The following SOX5 variants were observed in gnomAD, a reference collection of about 807,000 sequenced individuals.
The protein encoded by SOX5 is SRY-box transcription factor 5.
SOX5 carries 9 observed loss-of-function variants against 92.0 expected under a neutral mutation model. The observed-to-expected ratio is 0.10, with a 90% confidence interval of 0.06 to 0.17. The LOEUF (loss-of-function observed/expected upper bound fraction) is 0.17. Among genes scored for constraint, SOX5 ranks in the 10% least tolerant of loss-of-function variants. SOX5 has a pLI of 1.00. For synonymous variants in SOX5, 344 were observed against 336.3 expected (o/e 1.02, Z -0.25); for missense variants, 642 against 944.5 (o/e 0.68, Z 4.20).
intron 11 of SOX5, among the ~76,000 whole-genome samples, chr12:23,550,250 C>A (rs1303497687): frequency 1.3e-5 from 2 of 151,882 alleles, no homozygotes; most frequent in Non-Finnish European, 2.9e-5. Context: ...GGGAAGAGGA[C>A]ACTTTTGAGG....
At chr12:24,457,147 A>T (rs990755955) in intron 1 of SOX5, among the ~76,000 whole-genome samples, 8 of 152,214 alleles carry the variant, frequency 5.3e-5, no homozygotes, top group African/African-American at 1.7e-4. Flanking sequence ...TCTCAACACT[A>T]CATTTTAAAG....
intron 4 of SOX5, among the ~76,000 whole-genome samples, chr12:24,181,244 G>T (rs1222860429): frequency 6.6e-6 from 1 of 152,182 alleles, no homozygotes; most frequent in African/African-American, 2.4e-5. Flanking sequence ...ATTGGGGTCT[G>T]ATTCCATGAA....
At chr12:23,836,163 C>T (rs1432422199) in intron 3 of SOX5, among the ~76,000 whole-genome samples, 2 of 151,804 alleles carry the variant, frequency 1.3e-5, no homozygotes, top group African/African-American at 4.8e-5. Flanking sequence ...TTATGTGTCA[C>T]ATAACGTCAT....
At chr12:24,084,092 G>A (rs1318242992) in intron 4 of SOX5, among the ~76,000 whole-genome samples, 1 of 152,070 alleles carries the variant, frequency 6.6e-6, no homozygotes, top group Admixed American at 6.6e-5. Context: ...CACAGATATG[G>A]TGGGCAAAAG....
intron 1 of SOX5, among the ~76,000 whole-genome samples, chr12:24,490,862 A>T (rs1946993134): frequency 6.6e-6 from 1 of 152,214 alleles, no homozygotes; most frequent in Admixed American, 6.5e-5. Flanking sequence ...AAACTTAAAC[A>T]TTATAACACC....
chr12:24,063,451 G>A (rs575606079), intron 4 of SOX5, among the ~76,000 whole-genome samples: 1 of 152,240 alleles, frequency 6.6e-6, no homozygotes, highest in South Asian at 2.1e-4. Flanking sequence ...GAGTGGAGGT[G>A]TCCAAAGACT....
At chr12:24,448,113 C>T (rs986842130) in intron 1 of SOX5, among the ~76,000 whole-genome samples, 14 of 152,038 alleles carry the variant, frequency 9.2e-5, no homozygotes, top group African/African-American at 3.1e-4. Flanking sequence ...ACCCGAGGGG[C>T]AGAGGTTGCA....
chr12:23,853,478 G>A (rs1389999192), intron 2 of SOX5, among the ~76,000 whole-genome samples: 2 of 151,144 alleles, frequency 1.3e-5, no homozygotes, highest in Non-Finnish European at 2.9e-5. Context: ...CTATAAATAG[G>A]AGAAACAGTT....
At chr12:24,436,077 C>G (rs573534107) in intron 1 of SOX5, among the ~76,000 whole-genome samples, 1 of 152,266 alleles carries the variant, frequency 6.6e-6, no homozygotes, top group Admixed American at 6.5e-5. Flanking sequence ...TTCTCTTCCT[C>G]TCCTTGGGCC....
intron 1 of SOX5, among the ~76,000 whole-genome samples, chr12:23,901,289 C>G (rs2097229393): frequency 6.6e-6 from 1 of 152,132 alleles, no homozygotes; most frequent in South Asian, 2.1e-4. Flanking sequence ...AACAGATCCT[C>G]TCCTAGAGCC....
intron 1 of SOX5, among the ~76,000 whole-genome samples, chr12:23,902,204 T>A (rs2138000922): frequency 6.6e-6 from 1 of 152,228 alleles, no homozygotes; most frequent in Middle Eastern, 3.4e-3. Context: ...TTCTGGAAAA[T>A]GACATGTACA....
intron 8 of SOX5, among the ~76,000 whole-genome samples, chr12:23,608,390 A>G (rs1458331093): frequency 6.6e-6 from 1 of 152,188 alleles, no homozygotes; most frequent in Non-Finnish European, 1.5e-5. Flanking sequence ...TAAGGAAACA[A>G]TTACAAATGA....
intron 4 of SOX5, among the ~76,000 whole-genome samples, chr12:24,210,017 CAAAAAAAAAAA>C (rs1173723179): frequency 2.1e-4 from 13 of 62,702 alleles, no homozygotes; most frequent in Non-Finnish European, 3.5e-4. Flanking sequence ...GACTCCGTCT[CAAAAAAAAAAA>C]AAAAAAAAAA....
At chr12:23,973,799 C>T (rs1377820314) in intron 4 of SOX5, among the ~76,000 whole-genome samples, 6 of 152,232 alleles carry the variant, frequency 3.9e-5, no homozygotes, top group African/African-American at 1.2e-4. Context: ...GTCAGATCAG[C>T]GGAGGCATTA....
chr12:23,921,955 C>G (rs2138855550), intron 1 of SOX5, among the ~76,000 whole-genome samples: 1 of 152,238 alleles, frequency 6.6e-6, no homozygotes, highest in South Asian at 2.1e-4. Context: ...CTACCCAAAA[C>G]GGCAATCACT....
Position 24,350,504 on chromosome 12 carries a change from C to T in SOX5, c.-174+18059G>A, listed in dbSNP as rs568512981. Among the ~76,000 whole-genome samples the T allele has an allele frequency of 3.9e-5, 6 of 152,182 alleles. No individual in the cohort carries two copies. The East Asian group carries it at 5.8e-4, about 15-fold the overall frequency. On this transcript the variant is annotated intron_variant, in intron 2 of 4. Coordinates refer to the SOX5 transcript ENST00000446891. Reference sequence around the variant, plus strand: ...GCCTATAGGCACGTGCCACCATGCCCAGCTAATTTTTGTATTTCTTATAGA... The same window carrying T: ...GCCTATAGGCACGTGCCACCATGCCTAGCTAATTTTTGTATTTCTTATAGA...
chr12:24,428,840 T>C (rs1179964161), intron 1 of SOX5, among the ~76,000 whole-genome samples: 2 of 147,376 alleles, frequency 1.4e-5, no homozygotes, highest in African/African-American at 5.0e-5. Flanking sequence ...CAAGACAGCA[T>C]AGTGAGCCGG....
intron 3 of SOX5, among the ~76,000 whole-genome samples, chr12:24,236,909 CA>C (rs63258566): frequency 0.23 from 32,372 of 141,384 alleles, 3,904 homozygotes; most frequent in Non-Finnish European, 0.28. Flanking sequence ...ATCCACAACT[CA>C]AAAAAAAAAA....
At chr12:24,055,351 T>C (rs1957991040) in intron 4 of SOX5, among the ~76,000 whole-genome samples, 2 of 152,198 alleles carry the variant, frequency 1.3e-5, no homozygotes, top group South Asian at 2.1e-4. Context: ...TTATAACTGA[T>C]AGAAGTCTGT....
Sources: gnomAD v4.1 joint callset for allele counts (sites outside exome capture counted in the v4.1 genomes callset) on GRCh38, gnomAD v4.1.1 for gene constraint, MANE v1.5 for transcripts, NCBI Gene and HGNC (gene_info 2026-07-23, HGNC 2026-07-21) for gene names.